The following ELN variants were observed in gnomAD, a reference collection of about 807,000 sequenced individuals.
ELN encodes the protein elastin.
In ELN, 65 loss-of-function variants were observed where a neutral mutation model predicts 105.8. The observed-to-expected ratio is 0.61, with a 90% CI of 0.50 to 0.75. The LOEUF (loss-of-function observed/expected upper bound fraction) is 0.75. Ranked by LOEUF, ELN falls within the 30% of genes least tolerant of loss-of-function variation. ELN has a pLI of 0.00. For missense variants in ELN, 882 were observed against 969.4 expected, an observed-to-expected ratio of 0.91 and a Z score of 1.20; for synonymous variants, 368 against 389.2, an observed-to-expected ratio of 0.95 and a Z score of 0.64.
At position 74,066,714 on chromosome 7, in the gene ELN, C is replaced by A. The variant is rs373945392; in HGVS notation, c.2087-18C>A. 2 of 1,613,846 alleles carry A rather than the reference C, an allele frequency of 1.2e-6. No individual in the cohort carries two copies. The highest frequency in any genetic ancestry group is 2.7e-5 in the African/African-American group (2 of 74,912). ...TTTCCACCCCTACCAACCCACCAAC[C>A]TGAAATCTCTCCTGCAGGAGTGGCA... is the stretch of plus-strand genomic sequence containing the variant. On this transcript the variant is annotated intron_variant, in intron 31 of 32. Coordinates refer to ENST00000252034, the MANE Select transcript of ELN (RefSeq NM_000501.4).
chr7:74,030,293 G>C (rs1554661449), intron 1 of ELN, among the ~76,000 whole-genome samples: 1 of 152,180 alleles, frequency 6.6e-6, no homozygotes, highest in East Asian at 1.9e-4. Context: ...CTCCCTCAAG[G>C]AGGAGGGTGT....
chr7:74,039,285 G>C (rs1554667193), intron 4 of ELN, among the ~76,000 whole-genome samples: 1 of 152,216 alleles, frequency 6.6e-6, no homozygotes, highest in African/African-American at 2.4e-5. Flanking sequence ...GGGTGAAGGA[G>C]TCAATCCAAA....
At chr7:74,033,014 C>A (rs1279838141) in intron 1 of ELN, among the ~76,000 whole-genome samples, 2 of 152,194 alleles carry the variant, frequency 1.3e-5, no homozygotes, top group Non-Finnish European at 2.9e-5. Context: ...TCTGCCAGGT[C>A]CAGAAGAGGA....
rs782456792 is a variant in ELN at position 74,051,996 on chromosome 7, C to G, written c.949+13C>G. The stretch of plus-strand genomic sequence containing the variant: ...GCAGCCAAGTATGGTGAGTGCCTCC[C>G]GGGGTGGCAAGTCCACGGCTCGGGC... On this transcript the variant is annotated intron_variant, in intron 17 of 32. Transcript: ENST00000252034. 1.2e-6 allele frequency: 2 copies of G among 1,612,586 alleles called. No homozygotes were observed. Among genetic ancestry groups the G allele is most frequent in the South Asian group, 2.2e-5 (2 of 90,896 alleles).
chr7:74,064,421 AAAAT>A (rs1563875680), intron 29 of ELN, among the ~76,000 whole-genome samples: 2 of 115,266 alleles, frequency 1.7e-5, no homozygotes, highest in Admixed American at 1.6e-4. Flanking sequence ...TCTCAAAAAA[AAAAT>A]ATATATATAT....
chr7:74,035,480 A>G (rs375928876), intron 2 of ELN, 66 bp downstream of exon 2: 25 of 1,577,190 alleles, frequency 1.6e-5, no homozygotes, highest in African/African-American at 2.7e-5. Context: ...TAATAGATGC[A>G]CATTTTGACA....
rs996976126 is a variant in ELN, at chr7:74,063,457, A to G, written c.1918+88A>G. The G allele has an allele frequency of 1.3e-6, 2 of 1,575,762 alleles. No homozygotes were observed. Among genetic ancestry groups the G allele is most frequent in the East Asian group, 2.3e-5 (1 of 42,970 alleles). Reference sequence around the variant, plus strand: ...GCTTCTGACCAGGCACTGTAGACTCAGAGTCCCTGCCCCAGACACCTCCTG... The same window carrying G: ...GCTTCTGACCAGGCACTGTAGACTCGGAGTCCCTGCCCCAGACACCTCCTG... On this transcript the variant is annotated intron_variant, in intron 28 of 32. Coordinates refer to ENST00000252034, the MANE Select transcript of ELN (RefSeq NM_000501.4). The surrounding 1 kb of genome is among the most constrained non-coding windows in gnomAD (Gnocchi z 4.1).
In ELN at chr7:74,063,444, G is replaced by A. The variant is rs1041730800; in HGVS notation, c.1918+75G>A. ...GGGTGTGGGAGGAGCTTCTGACCAG[G>A]CACTGTAGACTCAGAGTCCCTGCCC... On this transcript the variant is annotated intron_variant, in intron 28 of 32. Coordinates refer to ENST00000252034, the MANE Select transcript of ELN (RefSeq NM_000501.4). The surrounding 1 kb of genome is among the most constrained non-coding windows in gnomAD (Gnocchi z 4.1). 2.6e-6 allele frequency: 4 copies of A among 1,559,562 alleles called. No homozygotes were observed. The highest frequency in any genetic ancestry group is 1.4e-5 in the African/African-American group (1 of 73,568).
At chr7:74,047,531 C>A in intron 12 of ELN, 144 bp from the exon 13 acceptor site, 2 of 1,134,306 alleles carry the variant, frequency 1.8e-6, no homozygotes, top group East Asian at 2.4e-5. Flanking sequence ...CACCCAGCGC[C>A]TTTGCTCTCC....
chr7:74,060,151 T>G lies in ELN; in HGVS notation c.1588T>G (p.Ser530Ala). The change falls in exon 24 of 33, where the codon TCC becomes GCC. Residue 530 changes from serine to alanine, a missense_variant. Physicochemically the swap from Ser to Ala is moderately conservative, Grantham distance 99. Transcript: ENST00000252034. ...GPGGVAAAAK[S>A]AAKVAAKAQL... is the part of the protein sequence containing the mutation. ...TCTCCCTCCCTCAGCTGCAGCAAAA[T>G]CCGCTGCCAAGGTGGCTGCCAAAGC... is the stretch of plus-strand genomic sequence containing the variant. 1.2e-6 allele frequency: 2 copies of G among 1,614,064 alleles called. No homozygotes were observed. The highest frequency in any genetic ancestry group is 1.7e-6 in the Non-Finnish European group (2 of 1,180,022).
intron 32 of ELN, among the ~76,000 whole-genome samples, chr7:74,067,800 C>T (rs1554690083): frequency 1.3e-5 from 2 of 151,032 alleles, no homozygotes; most frequent in African/African-American, 2.4e-5. Context: ...TGGTGGTGCA[C>T]GCCTGTAATC....
intron 22 of ELN, 63 bp from the exon 23 acceptor site, chr7:74,059,823 C>A: frequency 1.2e-6 from 1 of 867,142 alleles, no homozygotes; most frequent in Non-Finnish European, 2.0e-6. Context: ...AGCCCTCTTT[C>A]CATAAGCTTC....
rs1584010353 is a variant in ELN at position 74,063,599 on chromosome 7, T to C, written c.1919-22T>C. On this transcript the variant is annotated intron_variant, in intron 28 of 32. Coordinates refer to ENST00000252034, the MANE Select transcript of ELN (RefSeq NM_000501.4). The surrounding 1 kb of genome is among the most constrained non-coding windows in gnomAD (Gnocchi z 4.1). ...TCCCACCTTTCTGACCAGCGGAGTCTAATGCTCAGCTGTCTCCACAGGCCT... is the reference window on the plus strand; with the variant it reads ...TCCCACCTTTCTGACCAGCGGAGTCCAATGCTCAGCTGTCTCCACAGGCCT... The C allele has an allele frequency of 8.1e-6, 13 of 1,614,142 alleles. No homozygotes were observed. In the East Asian group the frequency reaches 2.9e-4, roughly 36 times the overall value.
At chr7:74,045,451 G>A (rs1235763341) in intron 10 of ELN, 158 bp downstream of exon 10, 16 of 803,458 alleles carry the variant, frequency 2.0e-5, no homozygotes, top group Non-Finnish European at 3.1e-5. Flanking sequence ...AAAAACCTCA[G>A]AGTGTGGCTG....
Position 74,058,260 on chromosome 7 carries a change from T to TC in ELN, c.1414+564_1414+565insC, listed in dbSNP as rs1554681656. On this transcript the variant is annotated intron_variant, in intron 22 of 32. Coordinates refer to ENST00000252034, the MANE Select transcript of ELN (RefSeq NM_000501.4). Reference sequence around the variant, plus strand: ...TCTTTTTCTCCTTCTTTCTTCTTCTTTCTCCTTCTTCTTCTTCTTCCTCTG... The same window carrying TC: ...TCTTTTTCTCCTTCTTTCTTCTTCTTCTCTCCTTCTTCTTCTTCTTCCTCTG... Among the ~76,000 whole-genome samples the TC allele has an allele frequency of 9.6e-4, 61 of 63,456 alleles. No homozygotes were observed. In the East Asian group the frequency reaches 0.017, roughly 18 times the overall value. 41.6% of individuals were successfully genotyped at this position (63,456 alleles called of 152,430 possible).
chr7:74,038,112 C>T (rs538067189), intron 4 of ELN: 34 of 348,384 alleles, frequency 9.8e-5, no homozygotes, highest in Middle Eastern at 1.0e-3. Flanking sequence ...ACATGACCCT[C>T]GGGAGCTCAG....
rs782210380 is a variant in ELN at position 74,063,186 on chromosome 7, G to C, written c.1820G>C (p.Gly607Ala). The C allele has an allele frequency of 1.8e-5, 29 of 1,609,830 alleles. No homozygotes were observed. The highest frequency in any genetic ancestry group is 2.2e-5 in the Non-Finnish European group (26 of 1,179,000). Residue 607 changes from glycine (G) to alanine (A), a missense_variant, in exon 27 of 33, where the codon GGG becomes GCG. Physicochemically the swap from Gly to Ala is moderately conservative, Grantham distance 60. Coordinates refer to ENST00000252034, the MANE Select transcript of ELN (RefSeq NM_000501.4). This position sits in a 1 kb window ranked among gnomAD's most constrained non-coding sequence, Gnocchi z 4.1. ...AAVPGVLGGL[G>A]ALGGVGIPGG... is the part of the protein sequence containing the mutation. The stretch of plus-strand genomic sequence containing the variant: ...GTGCCTGGGGTCCTTGGAGGGCTCG[G>C]GGCTCTCGGTGGAGTAGGCATCCCA...
At chr7:74,030,979 T>A (rs1350350757) in intron 1 of ELN, among the ~76,000 whole-genome samples, 11 of 152,102 alleles carry the variant, frequency 7.2e-5, no homozygotes, top group Admixed American at 6.5e-4. Flanking sequence ...ACAGCTTGTT[T>A]TTGAAAACCC....
rs782575011 is a variant in ELN at position 74,056,418 on chromosome 7, C to T, written c.1298C>T (p.Pro433Leu). ...VGGVPGVGGV[P>L]GVGISPEAQA... The stretch of plus-strand genomic sequence containing the variant: ...GGTGTTCCCGGAGTCGGAGGTGTCC[C>T]GGGAGTTGGCATTTCCCGTGAGCCT... Residue 433 changes from proline to leucine, a missense_variant, in exon 20 of 33, where the codon CCG becomes CTG. By Grantham distance (98) the Pro-to-Leu change is moderately conservative. Coordinates refer to ENST00000252034, the MANE Select transcript of ELN (RefSeq NM_000501.4). 1.9e-5 allele frequency: 30 copies of T among 1,613,550 alleles called. No individual in the cohort carries two copies. Among genetic ancestry groups the T allele is most frequent in the Middle Eastern group, 1.6e-4 (1 of 6,068 alleles).
Sources: allele counts gnomAD v4.1 joint callset (sites outside exome capture counted in the v4.1 genomes callset), GRCh38; gene constraint gnomAD v4.1.1; non-coding constraint Gnocchi (gnomAD v3.1); transcripts MANE v1.5; gene names NCBI Gene and HGNC (gene_info 2026-07-23, HGNC 2026-07-21).